SPEG: variants seen among roughly 807,000 people sequenced by gnomAD.
SPEG encodes striated muscle enriched protein kinase.
Under a neutral mutation model 300.4 loss-of-function variants are expected in SPEG, and 114 were observed. The ratio of observed to expected loss-of-function variants is 0.38; its 90% CI spans 0.33 to 0.44. SPEG has a LOEUF of 0.44. Among genes scored for constraint, SPEG ranks in the 20% least tolerant of loss-of-function variants. The pLI, the probability that SPEG is intolerant of heterozygous loss-of-function variation, is 1.00. For missense variants in SPEG, 4,201 were observed against 4,586.2 expected (o/e 0.92, Z 2.43); for synonymous variants, 1,964 against 2,018.9 (o/e 0.97, Z 0.73).
chr2:219,491,749 C>T (rs1437229673), intron 38 of SPEG, 45 bp from the exon 39 acceptor site: 2 of 1,565,292 alleles, frequency 1.3e-6, no homozygotes, highest in East Asian at 2.2e-5. Flanking sequence ...CCCCACTTCC[C>T]TGCCACCAGG....
Position 219,464,469 on chromosome 2 carries a change from G to A in SPEG, c.2742G>A (p.Arg914=), listed in dbSNP as rs1352260149. 6.2e-7 allele frequency: 1 copy of A among 1,613,330 alleles called. No individual in the cohort carries two copies. The highest frequency in any genetic ancestry group is 2.2e-5 in the East Asian group (1 of 44,884). The change falls in exon 9 of 41, where the codon CGG becomes CGA. Residue 914 remains arginine, a synonymous_variant. Coordinates refer to ENST00000312358, the MANE Select transcript of SPEG (RefSeq NM_005876.5). The surrounding 1 kb of genome is among the most constrained non-coding windows in gnomAD (Gnocchi z 4.5). ...RNRQPVRPDQ[R]RFAEEAEGGL... The stretch of plus-strand genomic sequence containing the variant: ...GCCAGCCCGTGCGCCCAGACCAGCG[G>A]CGCTTTGCGGAGGAGGCTGAGGGTG...
rs376768702 is a variant in SPEG, at chr2:219,473,614, G to A, written c.4258G>A (p.Val1420Ile). The change falls in exon 17 of 41, where the codon GTC becomes ATC. Residue 1420 changes from valine (V) to isoleucine (I), a missense_variant. By Grantham distance (29) the Val-to-Ile change is conservative. Coordinates refer to ENST00000312358, the MANE Select transcript of SPEG (RefSeq NM_005876.5). This position sits in a 1 kb window ranked among gnomAD's most constrained non-coding sequence, Gnocchi z 4.6. ...TVTFNHVEAQ[V>I]VWRSCRGALL... ...CACATTCAACCATGTGGAGGCCCAG[G>A]TCGTCTGGAGGAGGTGGGCCCCTTT... 8 of 1,614,086 alleles carry A rather than the reference G, an allele frequency of 5.0e-6. No individual in the cohort carries two copies. In the African/African-American group the frequency reaches 1.1e-4, roughly 22 times the overall value.
Position 219,484,259 on chromosome 2 carries a change from G to T in SPEG, c.6796G>T (p.Ala2266Ser). The change falls in exon 30 of 41, where the codon GCC becomes TCC. Residue 2266 changes from alanine (A) to serine (S), a missense_variant. Ala to Ser is a moderately conservative substitution (Grantham distance 99). This residue lies in a region of SPEG where 1,578 missense variants were observed against 1,506.0 expected (regional missense o/e 1.05). Transcript: ENST00000312358. Reference sequence around the variant, plus strand: ...CGCCCAGGGCCCCTCGCAGGGCCCTGCCGCGCCGCCTTCAGAGCCCAAGCC... The same window carrying T: ...CGCCCAGGGCCCCTCGCAGGGCCCTTCCGCGCCGCCTTCAGAGCCCAAGCC... ...GHAQGPSQGPAAPPSEPKPHA... is the reference protein window; with the variant it reads ...GHAQGPSQGPSAPPSEPKPHA... 2 of 1,609,982 alleles carry T rather than the reference G, an allele frequency of 1.2e-6. No individual in the cohort carries two copies. Among genetic ancestry groups the T allele is most frequent in the Non-Finnish European group, 1.7e-6 (2 of 1,179,734 alleles).
Position 219,480,260 on chromosome 2 carries a change from G to T in SPEG, c.5342+120G>T. On this transcript the variant is annotated intron_variant, in intron 25 of 40. Coordinates refer to ENST00000312358, the MANE Select transcript of SPEG (RefSeq NM_005876.5). The surrounding 1 kb of genome is among the most constrained non-coding windows in gnomAD (Gnocchi z 5.3). ...AATTCCTCCTGAAGGTGGGCTGGAG[G>T]CATTGTTTGCAGGGTCTCCTGCCCA... The T allele has an allele frequency of 9.1e-7, 1 of 1,100,650 alleles. No homozygotes were observed. The highest frequency in any genetic ancestry group is 2.5e-4 in the Middle Eastern group (1 of 4,064). 68.2% of individuals were successfully genotyped at this position (1,100,650 alleles called of 1,614,324 possible).
chr2:219,451,938 C>T lies in SPEG; in HGVS notation c.2440+131C>T, dbSNP rs1689792721. On this transcript the variant is annotated intron_variant, in intron 6 of 40. Transcript: ENST00000312358. The surrounding 1 kb of genome is among the most constrained non-coding windows in gnomAD (Gnocchi z 6.4). Reference sequence around the variant, plus strand: ...ACCCCGCCAGCATACTTAGTCCATGCAGTCCCTTCTGGGTGTCGGCAGCTT... The same window carrying T: ...ACCCCGCCAGCATACTTAGTCCATGTAGTCCCTTCTGGGTGTCGGCAGCTT... 4 of 957,454 alleles carry T rather than the reference C, an allele frequency of 4.2e-6. No individual in the cohort carries two copies. In the South Asian group the frequency reaches 5.8e-5, roughly 14 times the overall value. 59.3% of individuals were successfully genotyped at this position (957,454 alleles called of 1,614,324 possible).
At position 219,492,836 on chromosome 2, in the gene SPEG, T is replaced by A; in HGVS notation, c.*50T>A. The stretch of plus-strand genomic sequence containing the variant: ...GGGCTTCAACTGGGGTTCCCACCAA[T>A]GCCACGGGACATTCCAGGGCCCACG... On this transcript the variant is annotated 3_prime_UTR_variant, in exon 41 of 41. Transcript: ENST00000312358. The A allele has an allele frequency of 6.6e-7, 1 of 1,519,212 alleles. No homozygotes were observed. Among genetic ancestry groups the A allele is most frequent in the Non-Finnish European group, 8.8e-7 (1 of 1,131,816 alleles). The allele number at this position is 1,519,212 out of a possible 1,614,324, so 94.1% of individuals were successfully genotyped here.
Position 219,480,797 on chromosome 2 carries a change from C to A in SPEG, c.5369+100C>A. 9.0e-7 allele frequency: 1 copy of A among 1,108,602 alleles called. No individual in the cohort carries two copies. The highest frequency in any genetic ancestry group is 1.4e-6 in the Non-Finnish European group (1 of 725,114). 68.7% of individuals were successfully genotyped at this position (1,108,602 alleles called of 1,614,324 possible). A position where few individuals can be genotyped will look rare whatever the true frequency, so the allele number is the denominator to read the frequency against. On this transcript the variant is annotated intron_variant, in intron 26 of 40. Transcript: ENST00000312358. The surrounding 1 kb of genome is among the most constrained non-coding windows in gnomAD (Gnocchi z 5.3). ...CCCCTTCTCTTCCGCACCCCCCACT[C>A]CTTCTTGCACTGCAAGGAGCCTCAT...
In SPEG at chr2:219,483,518, G is replaced by A; in HGVS notation, c.6055G>A (p.Ala2019Thr). ...CCGCAGGGGCAGCTCGGCTGAGAGC[G>A]CCCTGCCCCGGGCCGGGCCGCGGGA... ...ELRRGSSAES[A>T]LPRAGPRELG... The change falls in exon 30 of 41, where the codon GCC (alanine) becomes ACC (threonine). Residue 2019 changes from alanine to threonine, a missense_variant. Transcript: ENST00000312358. 2 of 1,410,920 alleles carry A rather than the reference G, an allele frequency of 1.4e-6. No homozygotes were observed. Among genetic ancestry groups the A allele is most frequent in the Non-Finnish European group, 1.8e-6 (2 of 1,094,268 alleles). The allele number at this position is 1,410,920 out of a possible 1,614,324, so 87.4% of individuals were successfully genotyped here. A position where few individuals can be genotyped will look rare whatever the true frequency, so the allele number is the denominator to read the frequency against.
intron 29 of SPEG, 63 bp from the exon 30 acceptor site, chr2:219,483,035 G>A (rs1693004598): frequency 1.3e-6 from 2 of 1,520,144 alleles, no homozygotes; most frequent in South Asian, 2.4e-5. Flanking sequence ...GCTGAGGTGG[G>A]CCTGGGGGGG....
rs757297345 is a variant in SPEG at position 219,483,694 on chromosome 2, A to C, written c.6231A>C (p.Gly2077=). Residue 2077 remains glycine (G), a synonymous_variant, in exon 30 of 41, where the codon GGA becomes GGC. Coordinates refer to ENST00000312358, the MANE Select transcript of SPEG (RefSeq NM_005876.5). ...CCCTGCGCCAGCGGCTGCTGCGGGGAGGCCCCGAGGATGGCAAGGTCAGCG... is the reference window on the plus strand; with the variant it reads ...CCCTGCGCCAGCGGCTGCTGCGGGGCGGCCCCGAGGATGGCAAGGTCAGCG... ...LQALRQRLLR[G]GPEDGKVSGL... The C allele has an allele frequency of 5.2e-6, 8 of 1,533,304 alleles. No individual in the cohort carries two copies. In the African/African-American group the frequency reaches 1.1e-4, roughly 21 times the overall value. 95.0% of individuals were successfully genotyped at this position (1,533,304 alleles called of 1,614,324 possible).
chr2:219,462,432 G>A, intron 8 of SPEG, 46 bp downstream of exon 8: 1 of 1,477,472 alleles, frequency 6.8e-7, no homozygotes, highest in Non-Finnish European at 9.2e-7. Context: ...TCTATGCCAG[G>A]CCTGGCTCTG....
chr2:219,488,460 C>G, intron 32 of SPEG, 38 bp from the exon 33 acceptor site: 1 of 1,537,314 alleles, frequency 6.5e-7, no homozygotes, highest in Non-Finnish European at 8.8e-7. Flanking sequence ...CATGTGCTGC[C>G]TCACTCAGCA....
At chr2:219,465,859 ATGTG>A (rs1236179980) in intron 9 of SPEG, 7 of 601,064 alleles carry the variant, frequency 1.2e-5, no homozygotes, top group African/African-American at 1.9e-5. Context: ...ATGTGTGTGC[ATGTG>A]TGTGCGTGTG....
intron 9 of SPEG, chr2:219,465,952 T>C (rs987576600): frequency 2.8e-5 from 25 of 906,004 alleles, no homozygotes; most frequent in Non-Finnish European, 3.9e-5. Flanking sequence ...TGTGCGTGCA[T>C]GTGTGCGTGT....
chr2:219,493,000 C>T lies in SPEG; in HGVS notation c.*214C>T, dbSNP rs889408019. ...CAGGCCAAAGCCAGAGTGGGAGACCCATTGGTCAGGCTCAGCAGGGTGGGA... is the reference window on the plus strand; with the variant it reads ...CAGGCCAAAGCCAGAGTGGGAGACCTATTGGTCAGGCTCAGCAGGGTGGGA... On this transcript the variant is annotated 3_prime_UTR_variant, in exon 41 of 41. Transcript: ENST00000312358. 1 of 706,394 alleles carries T rather than the reference C, an allele frequency of 1.4e-6. No individual in the cohort carries two copies. The highest frequency in any genetic ancestry group is 2.6e-6 in the Non-Finnish European group (1 of 389,650). The allele number at this position is 706,394 out of a possible 1,614,324, so 43.8% of individuals were successfully genotyped here.
Position 219,490,823 on chromosome 2 carries a change from A to T in SPEG, c.9252A>T (p.Leu3084=), listed in dbSNP as rs750508996. The T allele has an allele frequency of 1.2e-6, 2 of 1,614,084 alleles. No individual in the cohort carries two copies. Among genetic ancestry groups the T allele is most frequent in the South Asian group, 1.1e-5 (1 of 91,086 alleles). Residue 3084 remains leucine (L), a synonymous_variant, in exon 38 of 41, where the codon CTA becomes CTT. Coordinates refer to ENST00000312358, the MANE Select transcript of SPEG (RefSeq NM_005876.5). The stretch of plus-strand genomic sequence containing the variant: ...TCCACGGCCACCACGTGCTCCACCT[A>T]GACATCAAGCCAGACAACCTGCTGC... ...DYLHGHHVLH[L]DIKPDNLLLA...
chr2:219,489,032 C>T (rs1693715981), intron 34 of SPEG, 22 bp from the exon 35 acceptor site: 3 of 1,612,316 alleles, frequency 1.9e-6, no homozygotes, highest in Non-Finnish European at 2.5e-6. Context: ...TGACCTCAGC[C>T]CCTCCCCCAT....
In SPEG at chr2:219,462,335, A is replaced by T; in HGVS notation, c.2654A>T (p.Asp885Val). Residue 885 changes from aspartate (D) to valine (V), a missense_variant, in exon 8 of 41, where the codon GAT becomes GTT. Around this residue, in one of 4 missense-constraint regions of SPEG, gnomAD observed 1,047 missense variants for 1,356.8 expected, o/e 0.77. Coordinates refer to ENST00000312358, the MANE Select transcript of SPEG (RefSeq NM_005876.5). Reference sequence around the variant, plus strand: ...GACCAGTCAGTAAGAGAAGGCCAAGATGTCATCATGAGCATCCGCGTGCAG... The same window carrying T: ...GACCAGTCAGTAAGAGAAGGCCAAGTTGTCATCATGAGCATCCGCGTGCAG... ...LMDQSVREGQ[D>V]VIMSIRVQGE... 6.4e-7 allele frequency: 1 copy of T among 1,570,100 alleles called. No individual in the cohort carries two copies.
Position 219,488,621 on chromosome 2 carries a change from A to G in SPEG, c.7982A>G (p.Asn2661Ser), listed in dbSNP as rs1426214670. Residue 2661 changes from asparagine (N) to serine (S), a missense_variant, in exon 33 of 41, where the codon AAC becomes AGC. Physicochemically the swap from Asn to Ser is conservative, Grantham distance 46. Coordinates refer to ENST00000312358, the MANE Select transcript of SPEG (RefSeq NM_005876.5). ...HAGLYECSAT[N>S]VLGSITSSCT... is the part of the protein sequence containing the mutation. ...GGTCTCTATGAGTGCTCGGCCACCA[A>G]CGTACTGGGCAGCATCACCAGCTCC... 1 of 1,611,332 alleles carries G rather than the reference A, an allele frequency of 6.2e-7. No homozygotes were observed. The highest frequency in any genetic ancestry group is 1.3e-5 in the African/African-American group (1 of 74,868).
Sources: gnomAD v4.1 joint callset for allele counts on GRCh38, gnomAD v4.1.1 for gene constraint, gnomAD v4.1.1 regional missense constraint, Gnocchi (gnomAD v3.1) non-coding constraint, MANE v1.5 for transcripts, NCBI Gene and HGNC (gene_info 2026-07-23, HGNC 2026-07-21) for gene names.